The following ANXA1 variants were observed in gnomAD, a reference collection of about 807,000 sequenced individuals.
ANXA1 encodes annexin I (lipocortin I).
Under a neutral mutation model 47.9 loss-of-function variants are expected in ANXA1, and 39 were observed. That is an observed-to-expected ratio of 0.81 (90% CI 0.63 to 1.06). The LOEUF is 1.06. Among genes scored for constraint, ANXA1 ranks in the 50% least tolerant of loss-of-function variants. The pLI, the probability that ANXA1 is intolerant of heterozygous loss-of-function variation, is 0.00. For missense variants in ANXA1, 446 were observed against 422.7 expected, an observed-to-expected ratio of 1.06 and a Z score of -0.48; for synonymous variants, 146 against 142.5, an observed-to-expected ratio of 1.02 and a Z score of -0.17.
intron 11 of ANXA1, chr9:73,167,784 C>G: frequency 2.2e-6 from 1 of 456,404 alleles, no homozygotes; most frequent in Non-Finnish European, 3.9e-6. Flanking sequence ...AAGTGATTTA[C>G]GGCTCACTTG....
At chr9:73,166,586 G>A (rs1824233113) in intron 10 of ANXA1, among the ~76,000 whole-genome samples, 2 of 152,098 alleles carry the variant, frequency 1.3e-5, no homozygotes, top group African/African-American at 4.8e-5. Flanking sequence ...TCTTGGGCAG[G>A]TCCAGGAGAG....
At chr9:73,159,657 G>T in intron 4 of ANXA1, 1 of 324,802 alleles carries the variant, frequency 3.1e-6, no homozygotes, top group Non-Finnish European at 5.7e-6. Context: ...TGGTGCTCTG[G>T]GGACAAATTT....
At chr9:73,161,061 G>A (rs538974213) in intron 6 of ANXA1, among the ~76,000 whole-genome samples, 168 bp downstream of exon 6, 3 of 152,234 alleles carry the variant, frequency 2.0e-5, no homozygotes, top group Admixed American at 6.5e-5. Context: ...ACCAGGCAAC[G>A]CTTGAGTTGC....
At chr9:73,154,182 T>C (rs1326482280) in intron 1 of ANXA1, 2 of 555,722 alleles carry the variant, frequency 3.6e-6, no homozygotes, top group Non-Finnish European at 5.9e-6. Context: ...TAGTCTTAAT[T>C]GCTTTCTCTC....
At chr9:73,152,546 G>A (rs1217988862) in intron 1 of ANXA1, among the ~76,000 whole-genome samples, 1 of 152,020 alleles carries the variant, frequency 6.6e-6, no homozygotes, top group Non-Finnish European at 1.5e-5. Context: ...ATTTAAAGAG[G>A]GTGTGGCCAC....
At position 73,158,748 on chromosome 9, in the gene ANXA1, T is replaced by C. The variant is rs1405836348; in HGVS notation, c.120T>C (p.Pro40=). The part of the protein sequence containing the change: ...GGPGSAVSPY[P]TFNPSSDVAA... ...CCGGATCAGCGGTGAGCCCCTATCC[T>C]ACCTTCAATCCATCCTCGGATGTCG... Residue 40 remains proline (P), a synonymous_variant, in exon 3 of 13, where the codon CCT becomes CCC. Coordinates refer to ENST00000257497, the MANE Select transcript of ANXA1 (RefSeq NM_000700.3). 3 of 1,613,930 alleles carry C rather than the reference T, an allele frequency of 1.9e-6. No individual in the cohort carries two copies. The highest frequency in any genetic ancestry group is 4.5e-5 in the East Asian group (2 of 44,874).
chr9:73,159,323 T>C lies in ANXA1; in HGVS notation c.176-6T>C, dbSNP rs1208931945. 2.5e-6 allele frequency: 4 copies of C among 1,612,518 alleles called. No individual in the cohort carries two copies. In the African/African-American group the frequency reaches 5.3e-5, roughly 22 times the overall value. ...GTGTTAAAGGCTGTTGGCCCTTTAT[T>C]TCCAGGTGTGGATGAAGCAACCATC... On this transcript the variant is annotated splice_polypyrimidine_tract_variant and splice_region_variant and intron_variant, in intron 3 of 12. Coordinates refer to ENST00000257497, the MANE Select transcript of ANXA1 (RefSeq NM_000700.3).
At chr9:73,161,512 A>G (rs1824142496) in intron 6 of ANXA1, among the ~76,000 whole-genome samples, 2 of 152,108 alleles carry the variant, frequency 1.3e-5, no homozygotes, top group Admixed American at 1.3e-4. Context: ...AAAAGAGGGT[A>G]ATTGCAAGTC....
At chr9:73,152,210 A>T (rs1184850712) in intron 1 of ANXA1, among the ~76,000 whole-genome samples, 1 of 152,154 alleles carries the variant, frequency 6.6e-6, no homozygotes, top group Admixed American at 6.6e-5. Flanking sequence ...GAAGGGAAGA[A>T]TGTGCTTTCC....
At position 73,165,105 on chromosome 9, in the gene ANXA1, T is replaced by C. The variant is rs1331067641; in HGVS notation, c.613-11T>C. 1.2e-6 allele frequency: 2 copies of C among 1,609,634 alleles called. No homozygotes were observed. Among genetic ancestry groups the C allele is most frequent in the Non-Finnish European group, 8.5e-7 (1 of 1,176,794 alleles). The stretch of plus-strand genomic sequence containing the variant: ...AGATAGTGAAGTGTTTACTTTTGTG[T>C]TTCTTGACAGGCCTTGTATGAAGCA... On this transcript the variant is annotated splice_polypyrimidine_tract_variant and intron_variant, in intron 8 of 12. Transcript: ENST00000257497.
chr9:73,158,193 A>G, intron 1 of ANXA1: 1 of 250,330 alleles, frequency 4.0e-6, no homozygotes, highest in South Asian at 5.1e-5. Context: ...GTGGTCTACA[A>G]ATTTAGAACA....
Position 73,158,798 on chromosome 9 carries a change from T to C in ANXA1, c.170T>C (p.Val57Ala). The C allele has an allele frequency of 1.2e-6, 2 of 1,613,260 alleles. No individual in the cohort carries two copies. The highest frequency in any genetic ancestry group is 1.1e-5 in the South Asian group (1 of 91,060). Reference protein sequence around the residue: ...DVAALHKAIMVKGVDEATIID... With the variant: ...DVAALHKAIMAKGVDEATIID... ...GCTGCCTTGCATAAGGCCATAATGG[T>C]TAAAGGTAACGTGTTTCCTCAAAAC... The change falls in exon 3 of 13, where the codon GTT becomes GCT. Residue 57 changes from valine to alanine, a missense_variant. Coordinates refer to ENST00000257497, the MANE Select transcript of ANXA1 (RefSeq NM_000700.3).
At chr9:73,153,479 T>C (rs1228985357) in intron 1 of ANXA1, among the ~76,000 whole-genome samples, 3 of 152,190 alleles carry the variant, frequency 2.0e-5, no homozygotes, top group Non-Finnish European at 1.5e-5. Context: ...ATTTTCTTCA[T>C]CTTCATCTAC....
intron 1 of ANXA1, among the ~76,000 whole-genome samples, chr9:73,155,991 T>C (rs897653995): frequency 1.3e-5 from 2 of 150,692 alleles, no homozygotes; most frequent in Admixed American, 1.3e-4. Flanking sequence ...GTAAAGTTTT[T>C]ATAACGTTTA....
At chr9:73,169,721 G>A (rs1824292010) in intron 12 of ANXA1, among the ~76,000 whole-genome samples, 1 of 152,068 alleles carries the variant, frequency 6.6e-6, no homozygotes, top group African/African-American at 2.4e-5. Flanking sequence ...TTCTTCTGGT[G>A]AGTGAATCAG....
intron 1 of ANXA1, chr9:73,158,274 T>G: frequency 4.9e-6 from 2 of 404,116 alleles, no homozygotes; most frequent in East Asian, 9.6e-5. Flanking sequence ...TCTCTAAAAT[T>G]TAGAACTGAA....
intron 9 of ANXA1, 29 bp downstream of exon 9, chr9:73,165,238 T>C (rs749386578): frequency 6.4e-7 from 1 of 1,569,560 alleles, no homozygotes; most frequent in Non-Finnish European, 8.7e-7. Flanking sequence ...TTCTGGAATC[T>C]GTTTATGGAA....
rs1824300959 is a variant in ANXA1 at position 73,170,218 on chromosome 9, C to T, written c.*111C>T. The T allele has an allele frequency of 1.3e-6, 1 of 747,016 alleles. No individual in the cohort carries two copies. The highest frequency in any genetic ancestry group is 3.0e-5 in the Admixed American group (1 of 33,820). The allele number at this position is 747,016 out of a possible 1,614,324, so 46.3% of individuals were successfully genotyped here. ...AACAGGATTACAGTGTAGCTACCTA[C>T]ATGCTGAAAAATATAGCCTTTAAAT... On this transcript the variant is annotated 3_prime_UTR_variant, in exon 13 of 13. Transcript: ENST00000257497.
At position 73,162,846 on chromosome 9, in the gene ANXA1, G is replaced by A. The variant is rs1247950178; in HGVS notation, c.540G>A (p.Leu180=). Residue 180 remains leucine, a synonymous_variant, in exon 7 of 13, where the codon TTG becomes TTA. Coordinates refer to ENST00000257497, the MANE Select transcript of ANXA1 (RefSeq NM_000700.3). The stretch of plus-strand genomic sequence containing the variant: ...CATCTGGAGATTTTCGGAACGCTTT[G>A]CTTTCTCTTGCTAAGGTACAACTCA... ...SDTSGDFRNA[L]LSLAKGDRSE... 1.9e-6 allele frequency: 3 copies of A among 1,612,458 alleles called. No individual in the cohort carries two copies. The highest frequency in any genetic ancestry group is 1.1e-5 in the South Asian group (1 of 90,974).
Sources: gnomAD v4.1 joint callset for allele counts (sites outside exome capture counted in the v4.1 genomes callset) on GRCh38, gnomAD v4.1.1 for gene constraint, MANE v1.5 for transcripts, NCBI Gene and HGNC (gene_info 2026-07-23, HGNC 2026-07-21) for gene names.